The following HSPA12A variants were observed in gnomAD, a reference collection of about 807,000 sequenced individuals.
HSPA12A encodes heat shock protein family A (Hsp70) member 12A.
A neutral mutation model predicts 69.2 loss-of-function variants in HSPA12A; 28 were observed. The observed-to-expected ratio is 0.40, with a 90% confidence interval of 0.30 to 0.55. The LOEUF is 0.55. HSPA12A is among the 20% of genes least tolerant of loss of function. The pLI is 0.38. For synonymous variants in HSPA12A, 345 were observed against 370.5 expected (o/e 0.93, Z 0.79); for missense variants, 686 against 900.7 (o/e 0.76, Z 3.05).
intron 2 of HSPA12A, among the ~76,000 whole-genome samples, chr10:116,787,026 T>TCA (rs1564819687): frequency 6.8e-6 from 1 of 148,038 alleles, no homozygotes; most frequent in East Asian, 2.0e-4. Flanking sequence ...ACGCACGCAC[T>TCA]CACACACACA....
Position 116,697,747 on chromosome 10 carries a change from G to A in HSPA12A, c.546+888C>T, listed in dbSNP as rs542059016. Among the ~76,000 whole-genome samples the A allele has an allele frequency of 2.5e-4, 38 of 152,102 alleles. 1 individual carries two copies. The South Asian group carries it at 6.2e-3, about 25-fold the overall frequency. On this transcript the variant is annotated intron_variant, in intron 5 of 11. Coordinates refer to ENST00000369209, the MANE Select transcript of HSPA12A (RefSeq NM_025015.3). Reference sequence around the variant, plus strand: ...AAAGTGTGTAGTTCAGTGGGTTTTCGTATATTCACAAGGTTGTGCGCCCAA... The same window carrying A: ...AAAGTGTGTAGTTCAGTGGGTTTTCATATATTCACAAGGTTGTGCGCCCAA...
intron 4 of HSPA12A, among the ~76,000 whole-genome samples, chr10:116,700,714 T>C (rs1234959604): frequency 6.6e-6 from 1 of 152,152 alleles, no homozygotes; most frequent in Non-Finnish European, 1.5e-5. Flanking sequence ...TTGTTAAATA[T>C]TCAGAATATC....
upstream of HSPA12A, among the ~76,000 whole-genome samples, chr10:116,850,534 G>A (rs577994648): frequency 6.6e-6 from 1 of 152,082 alleles, no homozygotes; most frequent in East Asian, 1.9e-4. Context: ...TGTGGCTGGG[G>A]CCCCTAGGAG....
At chr10:116,736,865 A>G (rs569177245) in intron 1 of HSPA12A, among the ~76,000 whole-genome samples, 8 of 152,262 alleles carry the variant, frequency 5.3e-5, no homozygotes, top group Non-Finnish European at 1.2e-4. Context: ...TCAGCCATTA[A>G]ATTTGTGGTA....
intron 2 of HSPA12A, among the ~76,000 whole-genome samples, chr10:116,748,215 T>C (rs1554887993): frequency 6.6e-6 from 1 of 152,192 alleles, no homozygotes; most frequent in Non-Finnish European, 1.5e-5. Context: ...GATGACTCAC[T>C]GGGGCATGTC....
intron 1 of HSPA12A, among the ~76,000 whole-genome samples, chr10:116,847,611 A>T (rs566579435): frequency 1.3e-4 from 20 of 152,266 alleles, no homozygotes; most frequent in Admixed American, 7.2e-4. Flanking sequence ...CCTCCAAAAC[A>T]TCTGATTGTG....
chr10:116,783,822 C>A (rs1166925201), intron 2 of HSPA12A, among the ~76,000 whole-genome samples: 1 of 152,192 alleles, frequency 6.6e-6, no homozygotes. Context: ...CCTGCCTCAG[C>A]TTCCCGAGTA....
At chr10:116,796,163 A>AAAAAAAAAAAAAAAAAAG (rs1414051045) in intron 2 of HSPA12A, among the ~76,000 whole-genome samples, 5 of 138,884 alleles carry the variant, frequency 3.6e-5, no homozygotes, top group African/African-American at 1.3e-4. Flanking sequence ...AAAAAAAAAA[A>AAAAAAAAAAAAAAAAAAG]AAAGAAAGAA....
chr10:116,694,041 G>A (rs781837426), intron 5 of HSPA12A, among the ~76,000 whole-genome samples: 3 of 152,174 alleles, frequency 2.0e-5, no homozygotes, highest in Non-Finnish European at 4.4e-5. Flanking sequence ...TACCAGGCAG[G>A]TGATTTTAAA....
At chr10:116,770,349 G>T (rs1554890279) in intron 2 of HSPA12A, among the ~76,000 whole-genome samples, 1 of 152,234 alleles carries the variant, frequency 6.6e-6, no homozygotes, top group East Asian at 1.9e-4. Flanking sequence ...CAGACCGAAG[G>T]GGCAGATGTG....
chr10:116,703,510 G>A (rs1464767526), intron 3 of HSPA12A, among the ~76,000 whole-genome samples: 1 of 150,312 alleles, frequency 6.7e-6, no homozygotes, highest in Non-Finnish European at 1.5e-5. Context: ...TTCCAGCCTG[G>A]GCAAAGGAAC....
upstream of HSPA12A, chr10:116,850,252 A>C (rs1268018746): frequency 5.3e-6 from 1 of 190,216 alleles, no homozygotes. Context: ...GCCCCGCCCT[A>C]AACTCCAAAA....
intron 1 of HSPA12A, among the ~76,000 whole-genome samples, chr10:116,738,246 A>G (rs937069969): frequency 1.3e-5 from 2 of 152,096 alleles, no homozygotes; most frequent in Non-Finnish European, 2.9e-5. Flanking sequence ...GAGCATCCAC[A>G]TTTCCAGGAG....
intron 2 of HSPA12A, among the ~76,000 whole-genome samples, chr10:116,824,342 T>C (rs1380153894): frequency 2.8e-4 from 43 of 152,348 alleles, no homozygotes; most frequent in Admixed American, 2.8e-3. Flanking sequence ...GAAAACAGTT[T>C]AGCAGTTCCT....
chr10:116,689,447 G>A (rs1004566060), intron 6 of HSPA12A, among the ~76,000 whole-genome samples: 2 of 152,078 alleles, frequency 1.3e-5, no homozygotes, highest in Non-Finnish European at 2.9e-5. Flanking sequence ...GGCAGCCACC[G>A]CCTTGCAGAA....
intron 2 of HSPA12A, among the ~76,000 whole-genome samples, chr10:116,768,370 C>T (rs73380875): frequency 0.017 from 2,518 of 152,240 alleles, 44 homozygotes; most frequent in East Asian, 0.099. Flanking sequence ...GGAGCAACTG[C>T]TAATAGGTAC....
chr10:116,712,101 T>C (rs976623489), intron 1 of HSPA12A, among the ~76,000 whole-genome samples: 1 of 152,192 alleles, frequency 6.6e-6, no homozygotes, highest in African/African-American at 2.4e-5. Context: ...AAGAGCTTTC[T>C]GGGGAACAAA....
upstream of HSPA12A, chr10:116,850,046 C>T: frequency 1.9e-6 from 1 of 521,136 alleles, no homozygotes; most frequent in Non-Finnish European, 3.5e-6. Context: ...CGTTTGTGGG[C>T]CGGCCCACCG....
chr10:116,802,422 C>T (rs1015163353), intron 2 of HSPA12A, among the ~76,000 whole-genome samples: 2 of 152,276 alleles, frequency 1.3e-5, no homozygotes, highest in African/African-American at 2.4e-5. Flanking sequence ...TCTATATACA[C>T]GTGCACCATA....
Sources: allele counts gnomAD v4.1 joint callset (sites outside exome capture counted in the v4.1 genomes callset), GRCh38; gene constraint gnomAD v4.1.1; transcripts MANE v1.5; gene names NCBI Gene and HGNC (gene_info 2026-07-23, HGNC 2026-07-21).